The following RBFOX1 variants were observed in gnomAD, a reference collection of about 807,000 sequenced individuals.
RBFOX1 encodes the protein RNA binding protein fox-1 homolog 1.
A neutral mutation model predicts 57.7 loss-of-function variants in RBFOX1; 8 were observed. The observed-to-expected ratio is 0.14, with a 90% CI of 0.08 to 0.25. The LOEUF (loss-of-function observed/expected upper bound fraction) is 0.25, where lower values mean the gene tolerates loss of function less well. Among genes scored for constraint, RBFOX1 ranks in the 10% least tolerant of loss-of-function variants. RBFOX1 has a pLI of 1.00. For synonymous variants in RBFOX1, 326 were observed against 222.4 expected (o/e 1.47, Z -4.15); for missense variants, 611 against 548.5 (o/e 1.11, Z -1.14).
chr16:6,270,920 T>C (rs1430508433), intron 1 of RBFOX1, among the ~76,000 whole-genome samples: 2 of 152,200 alleles, frequency 1.3e-5, no homozygotes, highest in Non-Finnish European at 2.9e-5. Flanking sequence ...ATTTGGCCAC[T>C]AGACAGCACA....
intron 1 of RBFOX1, among the ~76,000 whole-genome samples, chr16:6,193,425 T>TATATATATATATA (rs1243693521): frequency 5.6e-5 from 6 of 106,490 alleles, no homozygotes; most frequent in African/African-American, 1.9e-4. Context: ...TATATATATA[T>TATATATATATATA]AAAATTCAGT....
At chr16:6,252,455 T>C (rs2097623810) in intron 1 of RBFOX1, among the ~76,000 whole-genome samples, 1 of 152,184 alleles carries the variant, frequency 6.6e-6, no homozygotes, top group Non-Finnish European at 1.5e-5. Flanking sequence ...AGTGTAGTTT[T>C]GCAATGACTA....
Position 7,256,335 on chromosome 16 carries a change from C to T in RBFOX1, c.27+204237C>T, listed in dbSNP as rs901940194. On this transcript the variant is annotated intron_variant, in intron 4 of 15. Transcript: ENST00000550418. ...TCAGCGAGCAGATCTCTGATGAAGC[C>T]ACCATTCCTACCAGAAGTTCTGAGG... is the stretch of plus-strand genomic sequence containing the variant. Among the ~76,000 whole-genome samples, 3 of 152,126 alleles carry T rather than the reference C, an allele frequency of 2.0e-5. No individual in the cohort carries two copies. In the East Asian group the frequency reaches 5.8e-4, roughly 29 times the overall value.
chr16:5,564,392 G>A (rs1158186287), intron 2 of RBFOX1, among the ~76,000 whole-genome samples: 1 of 152,028 alleles, frequency 6.6e-6, no homozygotes, highest in Non-Finnish European at 1.5e-5. Flanking sequence ...TTTCTGGGTT[G>A]AATTTTTGTC....
chr16:5,564,866 G>A (rs1301508009), intron 2 of RBFOX1, among the ~76,000 whole-genome samples: 1 of 152,132 alleles, frequency 6.6e-6, no homozygotes, highest in Non-Finnish European at 1.5e-5. Context: ...TCACCTCTTG[G>A]ATGAGGAGGT....
In RBFOX1 at chr16:5,893,967, G is replaced by A. The variant is rs114177655; in HGVS notation, c.351+26632G>A. On this transcript the variant is annotated intron_variant, in intron 4 of 19. Coordinates refer to the RBFOX1 transcript ENST00000641259. ...TCTAAGGATAATTTAGTTGCAAAAT[G>A]TGGAATTGAAGATGAGGAGGGGAGG... Among the ~76,000 whole-genome samples the A allele has an allele frequency of 8.3e-4, 127 of 152,328 alleles. 2 individuals are homozygous for A. The highest frequency in any genetic ancestry group is 3.4e-3 in the Middle Eastern group (1 of 294).
intron 3 of RBFOX1, among the ~76,000 whole-genome samples, chr16:5,821,829 A>T (rs747084780): frequency 1.3e-5 from 2 of 152,146 alleles, no homozygotes; most frequent in Admixed American, 1.3e-4. Flanking sequence ...GCATCCTCAC[A>T]TGGTGAAAGG....
At chr16:6,866,121 T>A (rs982621551) in intron 3 of RBFOX1, among the ~76,000 whole-genome samples, 2 of 152,152 alleles carry the variant, frequency 1.3e-5, no homozygotes, top group Non-Finnish European at 2.9e-5. Flanking sequence ...TCCTTTTCTT[T>A]CCCCAGCTCT....
intron 1 of RBFOX1, among the ~76,000 whole-genome samples, chr16:5,333,876 C>T (rs1463569944): frequency 6.6e-6 from 1 of 152,122 alleles, no homozygotes; most frequent in Non-Finnish European, 1.5e-5. Context: ...AGTAAAAATA[C>T]AGCATTATAA....
chr16:7,397,941 G>A (rs8057264), intron 4 of RBFOX1, among the ~76,000 whole-genome samples: 4,271 of 151,784 alleles, frequency 0.028, 143 homozygotes, highest in African/African-American at 0.076. Context: ...TAAATTTCTC[G>A]GCTCAGTGAA....
At chr16:6,794,696 G>A (rs1442297180) in intron 3 of RBFOX1, among the ~76,000 whole-genome samples, 1 of 152,110 alleles carries the variant, frequency 6.6e-6, no homozygotes, top group Non-Finnish European at 1.5e-5. Flanking sequence ...ATGCATCCCA[G>A]AATGTTTAAT....
At chr16:6,484,387 T>C (rs1011965906) in intron 2 of RBFOX1, among the ~76,000 whole-genome samples, 3 of 152,166 alleles carry the variant, frequency 2.0e-5, no homozygotes, top group African/African-American at 7.2e-5. Context: ...TCTGCCTGTT[T>C]CCCATGGAAG....
At chr16:6,917,943 C>A (rs978121408) in intron 3 of RBFOX1, among the ~76,000 whole-genome samples, 4 of 152,126 alleles carry the variant, frequency 2.6e-5, no homozygotes, top group Admixed American at 1.3e-4. Flanking sequence ...TCTTACTCAA[C>A]CTAAGTCTCA....
chr16:6,676,008 G>T (rs1483351946), intron 3 of RBFOX1, among the ~76,000 whole-genome samples: 1 of 152,076 alleles, frequency 6.6e-6, no homozygotes, highest in Non-Finnish European at 1.5e-5. Flanking sequence ...GAGAGGAGAG[G>T]TTCTCAAAAG....
chr16:6,171,400 C>T (rs548885342), intron 1 of RBFOX1, among the ~76,000 whole-genome samples: 97 of 152,248 alleles, frequency 6.4e-4, no homozygotes, highest in African/African-American at 2.3e-3. Flanking sequence ...GTTCAAGACT[C>T]GATTTAGAGA....
intron 3 of RBFOX1, among the ~76,000 whole-genome samples, chr16:6,671,638 C>T (rs1048885898): frequency 6.6e-6 from 1 of 152,134 alleles, no homozygotes; most frequent in Non-Finnish European, 1.5e-5. Flanking sequence ...GCCTGAGTCC[C>T]CAAAGTCCGT....
At chr16:6,377,431 G>A (rs1451067188) in intron 2 of RBFOX1, among the ~76,000 whole-genome samples, 3 of 152,002 alleles carry the variant, frequency 2.0e-5, no homozygotes, top group South Asian at 4.2e-4. Flanking sequence ...GGATTTCTGG[G>A]GGTTGTTATC....
At chr16:5,905,333 A>G (rs894948174) in intron 4 of RBFOX1, among the ~76,000 whole-genome samples, 7 of 151,922 alleles carry the variant, frequency 4.6e-5, no homozygotes, top group Non-Finnish European at 1.0e-4. Context: ...GATTCCAGGC[A>G]TGAGCTGCTG....
chr16:7,355,062 G>A (rs1206352535), intron 4 of RBFOX1, among the ~76,000 whole-genome samples: 11 of 152,124 alleles, frequency 7.2e-5, no homozygotes, highest in Non-Finnish European at 5.9e-5. Context: ...AACGCATGAG[G>A]TCTTAGTTAA....
Sources: gnomAD v4.1 joint callset for allele counts (sites outside exome capture counted in the v4.1 genomes callset) on GRCh38, gnomAD v4.1.1 for gene constraint, MANE v1.5 for transcripts, NCBI Gene and HGNC (gene_info 2026-07-23, HGNC 2026-07-21) for gene names.